HECW2: variants seen among roughly 807,000 people sequenced by gnomAD.
The protein encoded by HECW2 is E3 ubiquitin-protein ligase HECW2.
Under a neutral mutation model 175.2 loss-of-function variants are expected in HECW2, and 61 were observed. That is an observed-to-expected ratio of 0.35 (90% CI 0.28 to 0.43). The LOEUF (loss-of-function observed/expected upper bound fraction) is 0.43, where lower values mean the gene tolerates loss of function less well. Among genes scored for constraint, HECW2 ranks in the 20% least tolerant of loss-of-function variants. The pLI is 1.00. For synonymous variants in HECW2, 671 were observed against 731.0 expected, an observed-to-expected ratio of 0.92 and a Z score of 1.32; for missense variants, 1,524 against 2,000.5, an observed-to-expected ratio of 0.76 and a Z score of 4.54.
At chr2:196,376,666 C>T (rs1293405974) in intron 2 of HECW2, among the ~76,000 whole-genome samples, 1 of 145,864 alleles carries the variant, frequency 6.9e-6, no homozygotes, top group Non-Finnish European at 1.5e-5. Context: ...GGCATGGTGG[C>T]TCACGCCTGT....
chr2:196,476,927 A>C (rs1686643768), intron 1 of HECW2, among the ~76,000 whole-genome samples: 1 of 142,380 alleles, frequency 7.0e-6, no homozygotes. Flanking sequence ...ACCTGGCAAC[A>C]TGACAAGACC....
intron 19 of HECW2, among the ~76,000 whole-genome samples, chr2:196,251,938 C>A (rs1343534487): frequency 1.3e-5 from 2 of 152,210 alleles, no homozygotes; most frequent in South Asian, 4.1e-4. Flanking sequence ...GCAACTCACA[C>A]CTGTAATACC....
intron 1 of HECW2, among the ~76,000 whole-genome samples, chr2:196,518,342 G>C (rs1411952316): frequency 1.3e-5 from 2 of 152,048 alleles, no homozygotes; most frequent in African/African-American, 4.8e-5. Flanking sequence ...TTTACAAAAG[G>C]CTTCTGTGCA....
chr2:196,361,163 A>C (rs2105883116), intron 2 of HECW2, among the ~76,000 whole-genome samples: 1 of 152,338 alleles, frequency 6.6e-6, no homozygotes, highest in Non-Finnish European at 1.5e-5. Flanking sequence ...TTAAATAATT[A>C]ATTAAAGTGG....
chr2:196,208,326 G>A (rs1687141992), intron 28 of HECW2, among the ~76,000 whole-genome samples: 1 of 152,148 alleles, frequency 6.6e-6, no homozygotes, highest in African/African-American at 2.4e-5. Flanking sequence ...TATGATTTTG[G>A]AATTTCTTGT....
intron 1 of HECW2, among the ~76,000 whole-genome samples, chr2:196,451,582 C>T (rs1696349499): frequency 6.6e-6 from 1 of 152,128 alleles, no homozygotes. Context: ...CAGACCCATT[C>T]CCCATCCATA....
chr2:196,213,211 C>T (rs35648924), intron 28 of HECW2, among the ~76,000 whole-genome samples: 43,036 of 152,006 alleles, frequency 0.28, 7,471 homozygotes, highest in Admixed American at 0.39. Context: ...TTTTTCCCTC[C>T]GAATGTACTT....
At chr2:196,305,024 T>C (rs1354464622) in intron 13 of HECW2, among the ~76,000 whole-genome samples, 23 of 152,158 alleles carry the variant, frequency 1.5e-4, no homozygotes, top group Admixed American at 1.4e-3. Flanking sequence ...TAATCTCAAA[T>C]CCAAACCTGT....
At chr2:196,343,819 C>A in intron 2 of HECW2, 55 bp from the exon 3 acceptor site, 2 of 1,073,480 alleles carry the variant, frequency 1.9e-6, no homozygotes, top group East Asian at 2.4e-5. Context: ...CTCTCCGTAG[C>A]AGGAAGATTA....
At chr2:196,407,951 T>C (rs1322145130) in intron 2 of HECW2, among the ~76,000 whole-genome samples, 1 of 152,206 alleles carries the variant, frequency 6.6e-6, no homozygotes, top group Non-Finnish European at 1.5e-5. Context: ...GATTGGTTAT[T>C]CTATCTCAAT....
chr2:196,573,523 C>T (rs1000782433), intron 1 of HECW2, among the ~76,000 whole-genome samples: 26 of 152,030 alleles, frequency 1.7e-4, no homozygotes, highest in African/African-American at 5.1e-4. Context: ...TCTGGAGCTC[C>T]TCAAAAAGGC....
At chr2:196,329,763 G>T in intron 4 of HECW2, 113 bp from the exon 5 acceptor site, 1 of 752,916 alleles carries the variant, frequency 1.3e-6, no homozygotes, top group Non-Finnish European at 2.3e-6. Flanking sequence ...AACGGGTATT[G>T]TATCATGTGT....
chr2:196,466,244 C>T (rs932095358), intron 1 of HECW2, among the ~76,000 whole-genome samples: 1 of 152,134 alleles, frequency 6.6e-6, no homozygotes, highest in African/African-American at 2.4e-5. Context: ...GTGGAGGATC[C>T]CTTTCAGCAG....
intron 2 of HECW2, among the ~76,000 whole-genome samples, chr2:196,415,449 T>C (rs568463740): frequency 1.3e-5 from 2 of 152,292 alleles, no homozygotes; most frequent in East Asian, 1.9e-4. Context: ...CTGGGAGCTT[T>C]AGACAGAGGT....
At chr2:196,321,502 T>C (rs1329992629) in intron 7 of HECW2, among the ~76,000 whole-genome samples, 2 of 151,472 alleles carry the variant, frequency 1.3e-5, no homozygotes, top group East Asian at 2.0e-4. Flanking sequence ...GTTCAAGCAA[T>C]TCTCCCAGCT....
At chr2:196,459,443 T>C (rs1411420629) in intron 1 of HECW2, among the ~76,000 whole-genome samples, 2 of 152,036 alleles carry the variant, frequency 1.3e-5, no homozygotes, top group Non-Finnish European at 2.9e-5. Context: ...CAGTAAAAAA[T>C]AAAGATGAAA....
chr2:196,544,155 A>AGAG (rs1429563210), intron 1 of HECW2, among the ~76,000 whole-genome samples: 3 of 152,320 alleles, frequency 2.0e-5, no homozygotes, highest in Non-Finnish European at 4.4e-5. Flanking sequence ...TTTCCTCAGA[A>AGAG]GAACTGACAC....
chr2:196,512,384 T>C (rs1041482669), intron 1 of HECW2, among the ~76,000 whole-genome samples: 7 of 152,142 alleles, frequency 4.6e-5, no homozygotes, highest in African/African-American at 1.7e-4. Flanking sequence ...TTTTAACCCT[T>C]CAACTGATTT....
rs58473650 is a variant in HECW2, at chr2:196,315,149, AGTGTGTGTGT to A, written c.2434+2115_2434+2124del. Among the ~76,000 whole-genome samples, 765 of 144,778 alleles carry A rather than the reference AGTGTGTGTGT, an allele frequency of 5.3e-3. 5 individuals carry two copies. Among genetic ancestry groups the A allele is most frequent in the Middle Eastern group, 0.014 (4 of 288 alleles). The allele number at this position is 144,778 out of a possible 152,430, so 95.0% of individuals were successfully genotyped here. A position where few individuals can be genotyped will look rare whatever the true frequency, so the allele number is the denominator to read the frequency against. On this transcript the variant is annotated intron_variant, in intron 10 of 28. Coordinates refer to ENST00000644978, the MANE Select transcript of HECW2 (RefSeq NM_001348768.2). Reference sequence around the variant, plus strand: ...CTTGGTCCTACAGCACGAGTGTATGAGTGTGTGTGTGTGTGTGTGTGTGTGTGTGTGTGTG... The same window carrying A: ...CTTGGTCCTACAGCACGAGTGTATGAGTGTGTGTGTGTGTGTGTGTGTGTG...
Sources: allele counts gnomAD v4.1 joint callset (sites outside exome capture counted in the v4.1 genomes callset), GRCh38; gene constraint gnomAD v4.1.1; transcripts MANE v1.5; gene names NCBI Gene and HGNC (gene_info 2026-07-23, HGNC 2026-07-21).